The following NAALADL2 variants were observed in gnomAD, a reference collection of about 807,000 sequenced individuals.
NAALADL2 encodes the protein inactive N-acetylated-alpha-linked acidic dipeptidase-like protein 2.
In NAALADL2, 76 loss-of-function variants were observed where a neutral mutation model predicts 87.2. That is an observed-to-expected ratio of 0.87 (90% CI 0.72 to 1.05). NAALADL2 has a LOEUF of 1.05. NAALADL2 is among the 50% of genes least tolerant of loss of function. The pLI is 0.00. For synonymous variants in NAALADL2, 354 were observed against 331.0 expected (o/e 1.07, Z -0.75); for missense variants, 1,089 against 945.8 (o/e 1.15, Z -1.99).
intron 4 of NAALADL2, among the ~76,000 whole-genome samples, chr3:175,289,627 A>G (rs571043093): frequency 6.6e-6 from 1 of 152,242 alleles, no homozygotes; most frequent in South Asian, 2.1e-4. Flanking sequence ...AAAATTTTAT[A>G]AGAATTTAAA....
At chr3:174,449,120 A>T (rs752492452) in intron 1 of NAALADL2, among the ~76,000 whole-genome samples, 5 of 152,166 alleles carry the variant, frequency 3.3e-5, no homozygotes, top group Non-Finnish European at 7.3e-5. Flanking sequence ...TGATAATTCG[A>T]GGTTAGACAT....
chr3:174,755,285 C>T (rs994692575), intron 3 of NAALADL2, among the ~76,000 whole-genome samples: 7 of 152,112 alleles, frequency 4.6e-5, no homozygotes, highest in Admixed American at 2.6e-4. Flanking sequence ...GCTGAGTCAA[C>T]TAAACCTCAT....
At chr3:175,704,802 G>A (rs1292618673) in intron 11 of NAALADL2, among the ~76,000 whole-genome samples, 1 of 152,150 alleles carries the variant, frequency 6.6e-6, no homozygotes, top group Non-Finnish European at 1.5e-5. Context: ...TTGGTATCAA[G>A]GTATCAAAGC....
chr3:175,011,676 G>C (rs1184033284), intron 1 of NAALADL2, among the ~76,000 whole-genome samples: 1 of 152,102 alleles, frequency 6.6e-6, no homozygotes, highest in Admixed American at 6.6e-5. Context: ...TTGGCTGGAT[G>C]GTAGTTGTAG....
chr3:175,249,448 GT>G (rs1748602983), intron 3 of NAALADL2, among the ~76,000 whole-genome samples: 2 of 151,812 alleles, frequency 1.3e-5, no homozygotes. Flanking sequence ...TACTCTACCT[GT>G]TTTTTAAAAA....
At chr3:174,895,934 GA>G (rs1474616436) in intron 1 of NAALADL2, among the ~76,000 whole-genome samples, 1 of 151,740 alleles carries the variant, frequency 6.6e-6, no homozygotes, top group East Asian at 1.9e-4. Flanking sequence ...ACAGAATGAA[GA>G]AAAAAATATG....
chr3:174,511,293 G>A (rs1719587643), intron 1 of NAALADL2, among the ~76,000 whole-genome samples: 1 of 151,682 alleles, frequency 6.6e-6, no homozygotes. Flanking sequence ...ATATTTTCTA[G>A]TTCTCTTTAA....
intron 4 of NAALADL2, among the ~76,000 whole-genome samples, chr3:175,293,685 C>A (rs924948171): frequency 2.6e-5 from 4 of 152,154 alleles, no homozygotes; most frequent in African/African-American, 4.8e-5. Flanking sequence ...TTCACTCTTT[C>A]TGCTATGTGA....
intron 1 of NAALADL2, among the ~76,000 whole-genome samples, chr3:174,882,859 A>G (rs549251842): frequency 5.1e-4 from 62 of 121,178 alleles, no homozygotes; most frequent in African/African-American, 2.1e-3. Context: ...GTGTATATAT[A>G]CATATGTGTA....
At chr3:175,053,243 A>G (rs1755650921) in intron 1 of NAALADL2, among the ~76,000 whole-genome samples, 1 of 152,218 alleles carries the variant, frequency 6.6e-6, no homozygotes, top group Admixed American at 6.5e-5. Context: ...AATATGCCCA[A>G]TAAGTATAAT....
chr3:175,422,054 T>C (rs9815671), intron 5 of NAALADL2, among the ~76,000 whole-genome samples: 86,749 of 151,866 alleles, frequency 0.57, 25,505 homozygotes, highest in East Asian at 0.66. Flanking sequence ...ATAGGCTATA[T>C]TGAGGAGCCT....
At chr3:174,712,252 T>C (rs781395802) in intron 2 of NAALADL2, among the ~76,000 whole-genome samples, 1 of 152,132 alleles carries the variant, frequency 6.6e-6, no homozygotes, top group African/African-American at 2.4e-5. Context: ...ATAGATTATT[T>C]AATAATTTCT....
intron 3 of NAALADL2, among the ~76,000 whole-genome samples, chr3:174,800,355 AGC>A (rs1359139204): frequency 2.0e-5 from 3 of 152,138 alleles, no homozygotes; most frequent in Admixed American, 2.0e-4. Flanking sequence ...CATCATATAA[AGC>A]TCATGCTGTT....
chr3:175,264,618 T>C lies in NAALADL2; in HGVS notation c.939+8088T>C, dbSNP rs1298721171. Among the ~76,000 whole-genome samples, 7 of 151,870 alleles carry C rather than the reference T, an allele frequency of 4.6e-5. No individual in the cohort carries two copies. In the East Asian group the frequency reaches 1.3e-3, roughly 29 times the overall value. ...AAAAAACTGAAGTCTTCAAATTGTT[T>C]TTGTGGAATAAAACAGATATAAATA... On this transcript the variant is annotated intron_variant, in intron 4 of 13. Transcript: ENST00000454872.
intron 1 of NAALADL2, among the ~76,000 whole-genome samples, chr3:174,867,215 A>G (rs1727265169): frequency 6.6e-6 from 1 of 151,958 alleles, no homozygotes; most frequent in African/African-American, 2.4e-5. Flanking sequence ...AAACTTACTA[A>G]GCTTATTTGA....
At chr3:175,131,594 T>C (rs1311898680) in intron 2 of NAALADL2, among the ~76,000 whole-genome samples, 6 of 152,144 alleles carry the variant, frequency 3.9e-5, no homozygotes, top group African/African-American at 1.4e-4. Context: ...TCCCCGCCTT[T>C]CCCCGCTTTC....
rs888680580 is a variant in NAALADL2 at position 175,450,288 on chromosome 3, T to C, written c.1234+2916T>C. On this transcript the variant is annotated intron_variant, in intron 6 of 13. Coordinates refer to ENST00000454872, the MANE Select transcript of NAALADL2 (RefSeq NM_207015.3). ...AATGAGGTACTATAATTTTAAGCAA[T>C]AACAGCAATGCTTATTATTTAAGGA... 2.9e-4 allele frequency among the ~76,000 whole-genome samples: 44 copies of C among 152,206 alleles called. 4 individuals carry two copies. Among genetic ancestry groups the C allele is most frequent in the Admixed American group, 1.5e-3 (23 of 15,284 alleles).
chr3:174,969,831 G>T lies in NAALADL2; in HGVS notation c.43+110381G>T, dbSNP rs971988893. On this transcript the variant is annotated intron_variant, in intron 1 of 13. Coordinates refer to ENST00000454872, the MANE Select transcript of NAALADL2 (RefSeq NM_207015.3). ...TTGTTTCCATGGACACCAATCAGTA[G>T]CAGAAGACAGAAAATAAAGAAGACC... Among the ~76,000 whole-genome samples the T allele has an allele frequency of 1.1e-4, 16 of 152,220 alleles. No homozygotes were observed. In the East Asian group the frequency reaches 3.1e-3, roughly 29 times the overall value.
chr3:174,784,957 G>A (rs944493733), intron 3 of NAALADL2, among the ~76,000 whole-genome samples: 4 of 152,128 alleles, frequency 2.6e-5, no homozygotes, highest in Admixed American at 1.3e-4. Flanking sequence ...ACCTAAAAAA[G>A]TGAATAGGAG....
Sources: gnomAD v4.1 joint callset for allele counts (sites outside exome capture counted in the v4.1 genomes callset) on GRCh38, gnomAD v4.1.1 for gene constraint, MANE v1.5 for transcripts, NCBI Gene and HGNC (gene_info 2026-07-23, HGNC 2026-07-21) for gene names.